The following ARID5B variants were observed in gnomAD, a reference collection of about 807,000 sequenced individuals.
ARID5B encodes AT-rich interaction domain 5B.
In ARID5B, 13 loss-of-function variants were observed where a neutral mutation model predicts 97.2. The observed-to-expected ratio is 0.13, with a 90% confidence interval of 0.09 to 0.21. ARID5B has a LOEUF of 0.21. Among genes scored for constraint, ARID5B ranks in the 10% least tolerant of loss-of-function variants. The probability of loss-of-function intolerance (pLI) is 1.00; values close to 1 mark genes in which losing one functional copy is unlikely to be tolerated. For missense variants in ARID5B, 1,210 were observed against 1,465.3 expected, an observed-to-expected ratio of 0.83 and a Z score of 2.84; for synonymous variants, 556 against 570.3, an observed-to-expected ratio of 0.97 and a Z score of 0.36.
chr10:61,971,683 C>T (rs774890012), intron 3 of ARID5B, among the ~76,000 whole-genome samples: 13 of 152,074 alleles, frequency 8.5e-5, no homozygotes, highest in South Asian at 2.1e-4. Flanking sequence ...AATATTGTTT[C>T]GCCAGTTTTA....
intron 2 of ARID5B, among the ~76,000 whole-genome samples, chr10:61,903,238 C>T (rs2132748407): frequency 6.6e-6 from 1 of 152,134 alleles, no homozygotes; most frequent in East Asian, 1.9e-4. Context: ...GTCCAGCGTT[C>T]TCCGTGCCCA....
At chr10:62,002,910 C>G (rs1052815651) in intron 4 of ARID5B, among the ~76,000 whole-genome samples, 1 of 152,038 alleles carries the variant, frequency 6.6e-6, no homozygotes, top group Admixed American at 6.6e-5. Flanking sequence ...AACAGTATGC[C>G]TAGGCTGTAA....
At chr10:62,075,477 C>T (rs563911799) in intron 8 of ARID5B, among the ~76,000 whole-genome samples, 20 of 152,252 alleles carry the variant, frequency 1.3e-4, no homozygotes, top group African/African-American at 4.6e-4. Flanking sequence ...GGGTTCCAGG[C>T]GCTCTTACTC....
At chr10:62,045,496 G>T (rs898053524) in intron 4 of ARID5B, among the ~76,000 whole-genome samples, 8 of 150,170 alleles carry the variant, frequency 5.3e-5, no homozygotes, top group African/African-American at 1.7e-4. Flanking sequence ...GCCTGCCCAG[G>T]CTGGAGTGCA....
chr10:61,906,224 A>G (rs2132752146), intron 2 of ARID5B, among the ~76,000 whole-genome samples: 1 of 152,304 alleles, frequency 6.6e-6, no homozygotes, highest in Admixed American at 6.5e-5. Context: ...TAAACAATAA[A>G]AAAAAAACTT....
At chr10:62,027,130 C>T (rs1275095750) in intron 4 of ARID5B, among the ~76,000 whole-genome samples, 1 of 151,772 alleles carries the variant, frequency 6.6e-6, no homozygotes, top group Non-Finnish European at 1.5e-5. Flanking sequence ...GTCTTGTTTT[C>T]CTCTCTTTCT....
At chr10:62,016,164 G>T (rs561902974) in intron 4 of ARID5B, among the ~76,000 whole-genome samples, 1 of 152,138 alleles carries the variant, frequency 6.6e-6, no homozygotes, top group Non-Finnish European at 1.5e-5. Context: ...CATGTGCAGC[G>T]CTCAGCCTGT....
intron 4 of ARID5B, among the ~76,000 whole-genome samples, chr10:62,031,524 T>C (rs1839497004): frequency 6.6e-6 from 1 of 152,232 alleles, no homozygotes; most frequent in African/African-American, 2.4e-5. Context: ...GTAAAGACCA[T>C]GGGTTAATCA....
chr10:61,958,183 A>G (rs1341665707), intron 3 of ARID5B, among the ~76,000 whole-genome samples: 1 of 152,242 alleles, frequency 6.6e-6, no homozygotes, highest in Non-Finnish European at 1.5e-5. Context: ...TGAAGGTTGC[A>G]TGAGTACGTC....
rs765973414 is a variant in ARID5B at position 62,092,976 on chromosome 10, A to G, written c.3513A>G (p.Gln1171=). 1 of 1,613,884 alleles carries G rather than the reference A, an allele frequency of 6.2e-7. No individual in the cohort carries two copies. The change falls in exon 10 of 10, where the codon CAA becomes CAG. Residue 1171 remains glutamine (Q), a synonymous_variant. Transcript: ENST00000279873. ...SIYPLAAINP[Q]AAFPSSQLSS... Reference sequence around the variant, plus strand: ...ACCCTTTAGCTGCTATAAATCCTCAAGCTGCCTTTCCATCTTCCCAGCTGT... The same window carrying G: ...ACCCTTTAGCTGCTATAAATCCTCAGGCTGCCTTTCCATCTTCCCAGCTGT...
intron 7 of ARID5B, among the ~76,000 whole-genome samples, chr10:62,065,762 C>G (rs1348473173): frequency 2.7e-5 from 4 of 145,654 alleles, no homozygotes; most frequent in Non-Finnish European, 6.0e-5. Flanking sequence ...AGGAGGATAG[C>G]GTGAACCTGG....
rs1840400684 is a variant in ARID5B, at chr10:62,092,669, A to G, written c.3206A>G (p.His1069Arg). Reference sequence around the variant, plus strand: ...CATTCCGGGGGCGGATCAGAAGGCCACAAGCTTCCCCTCTCCTCCCCTATC... The same window carrying G: ...CATTCCGGGGGCGGATCAGAAGGCCGCAAGCTTCCCCTCTCCTCCCCTATC... ...GGHSGGGSEG[H>R]KLPLSSPIFP... The change falls in exon 10 of 10, where the codon CAC (histidine) becomes CGC (arginine). Residue 1069 changes from histidine to arginine, a missense_variant. By Grantham distance (29) the His-to-Arg change is conservative (BLOSUM62 0). This residue lies in a region of ARID5B where 800 missense variants were observed against 839.1 expected (regional missense o/e 0.95). Transcript: ENST00000279873. 3 of 1,613,930 alleles carry G rather than the reference A, an allele frequency of 1.9e-6. No homozygotes were observed. The highest frequency in any genetic ancestry group is 1.1e-5 in the South Asian group (1 of 91,074).
At chr10:61,913,007 T>C (rs2132760771) in intron 2 of ARID5B, among the ~76,000 whole-genome samples, 1 of 152,358 alleles carries the variant, frequency 6.6e-6, no homozygotes, top group East Asian at 1.9e-4. Context: ...AAAAATGTTC[T>C]CACCCATTCC....
intron 4 of ARID5B, among the ~76,000 whole-genome samples, chr10:62,021,665 T>A (rs763999370): frequency 1.3e-5 from 2 of 152,208 alleles, no homozygotes; most frequent in African/African-American, 2.4e-5. Flanking sequence ...TGTAATGTGG[T>A]CGTGTGACAA....
At chr10:62,035,780 C>G (rs1839555679) in intron 4 of ARID5B, among the ~76,000 whole-genome samples, 1 of 151,998 alleles carries the variant, frequency 6.6e-6, no homozygotes, top group Non-Finnish European at 1.5e-5. Context: ...TCTCACCCAG[C>G]TGGAGATGAG....
intron 3 of ARID5B, among the ~76,000 whole-genome samples, chr10:61,982,490 T>G (rs1199942381): frequency 6.6e-6 from 1 of 151,950 alleles, no homozygotes; most frequent in African/African-American, 2.4e-5. Context: ...TGTATTTATA[T>G]ATTCTGAGTT....
intron 7 of ARID5B, among the ~76,000 whole-genome samples, chr10:62,068,911 GTA>G (rs563884664): frequency 3.5e-3 from 533 of 152,314 alleles, no homozygotes; most frequent in Non-Finnish European, 5.9e-3. Context: ...GTGCAGCTCA[GTA>G]TATTACAAGC....
chr10:61,988,887 A>G (rs1163883758), intron 3 of ARID5B, among the ~76,000 whole-genome samples: 1 of 151,446 alleles, frequency 6.6e-6, no homozygotes, highest in East Asian at 1.9e-4. Flanking sequence ...AGAGCTTACT[A>G]TGAAAAAATA....
intron 4 of ARID5B, among the ~76,000 whole-genome samples, chr10:62,010,608 G>T (rs184375035): frequency 2.0e-3 from 306 of 152,286 alleles, no homozygotes; most frequent in South Asian, 6.6e-3. Flanking sequence ...AAAGAACTGG[G>T]TTTTTTCTCA....
Sources: allele counts gnomAD v4.1 joint callset (sites outside exome capture counted in the v4.1 genomes callset), GRCh38; gene constraint gnomAD v4.1.1; regional missense constraint gnomAD v4.1.1; transcripts MANE v1.5; gene names NCBI Gene and HGNC (gene_info 2026-07-23, HGNC 2026-07-21).